Variants in CRY2 observed in about 807,000 individuals in gnomAD.
CRY2 encodes the protein cryptochrome circadian regulator 2, also known as cryptochrome-2.
In CRY2, 31 loss-of-function variants were observed where a neutral mutation model predicts 69.5. The observed-to-expected ratio is 0.45, with a 90% CI of 0.34 to 0.60. The LOEUF is 0.60. CRY2 is among the 20% of genes least tolerant of loss of function. The pLI is 0.02. For missense variants in CRY2, 606 were observed against 797.8 expected (o/e 0.76, Z 2.90); for synonymous variants, 303 against 312.2 (o/e 0.97, Z 0.31).
Position 45,847,894 on chromosome 11 carries a change from G to A in CRY2, c.215+189G>A, listed in dbSNP as rs78996810. Among the ~76,000 whole-genome samples the A allele has an allele frequency of 9.9e-3, 1,511 of 152,298 alleles. 35 individuals are homozygous for A. Among genetic ancestry groups the A allele is most frequent in the African/African-American group, 0.033 (1,387 of 41,562 alleles). On this transcript the variant is annotated intron_variant, in intron 1 of 11. Coordinates refer to ENST00000616080, the MANE Select transcript of CRY2 (RefSeq NM_021117.5). ...CAGGGTTCAGCCTCTGACAAAGCGCGTTCGCACTGTTACCCCTTTGAGCCT... is the reference window on the plus strand; with the variant it reads ...CAGGGTTCAGCCTCTGACAAAGCGCATTCGCACTGTTACCCCTTTGAGCCT...
intron 6 of CRY2, 48 bp downstream of exon 6, chr11:45,867,800 G>A (rs1194015084): frequency 1.9e-6 from 3 of 1,610,470 alleles, no homozygotes; most frequent in Non-Finnish European, 2.5e-6. Flanking sequence ...CTGCAGCCAG[G>A]CCTTTTGGGC....
intron 11 of CRY2, among the ~76,000 whole-genome samples, chr11:45,878,431 C>T (rs1375908432): frequency 2.0e-5 from 3 of 152,172 alleles, no homozygotes; most frequent in Non-Finnish European, 4.4e-5. Context: ...TTTTCTATTT[C>T]AGAAGAATAG....
In CRY2 at chr11:45,882,619, G is replaced by A. The variant is rs75469154; in HGVS notation, c.*1708G>A. On this transcript the variant is annotated 3_prime_UTR_variant, in exon 12 of 12. Transcript: ENST00000616080. ...CCTTCACTAGAAATGTCCCATCATC[G>A]TGGGAGGGGAGCAGGGCACAGGGGA... The A allele has an allele frequency of 1.4e-4, 56 of 399,128 alleles. No individual in the cohort carries two copies. Among genetic ancestry groups the A allele is most frequent in the African/African-American group, 9.6e-4 (47 of 48,756 alleles). 24.7% of individuals were successfully genotyped at this position (399,128 alleles called of 1,614,324 possible).
At chr11:45,869,375 G>C in intron 6 of CRY2, 131 bp from the exon 7 acceptor site, 3 of 924,736 alleles carry the variant, frequency 3.2e-6, no homozygotes, top group Non-Finnish European at 4.9e-6. Flanking sequence ...CTAGGGGATA[G>C]TCCCTCCACA....
intron 3 of CRY2, among the ~76,000 whole-genome samples, chr11:45,860,075 C>G (rs1215467300): frequency 3.9e-5 from 6 of 152,146 alleles, no homozygotes. Flanking sequence ...CAAGAAGAGC[C>G]CCGGGAATGT....
intron 2 of CRY2, 111 bp from the exon 3 acceptor site, chr11:45,858,620 A>T: frequency 8.4e-7 from 1 of 1,190,056 alleles, no homozygotes; most frequent in African/African-American, 1.5e-5. Flanking sequence ...TCTGCTGCCC[A>T]TCAGATAGGT....
chr11:45,857,611 T>C (rs2086251912), intron 2 of CRY2, among the ~76,000 whole-genome samples: 1 of 152,160 alleles, frequency 6.6e-6, no homozygotes, highest in South Asian at 2.1e-4. Context: ...TTCACACTAA[T>C]AGGGGAAACA....
chr11:45,855,461 A>C (rs189739558), intron 1 of CRY2, among the ~76,000 whole-genome samples: 1 of 152,182 alleles, frequency 6.6e-6, no homozygotes. Flanking sequence ...TTCATACCAC[A>C]GTATTGCACT....
intron 2 of CRY2, chr11:45,858,488 C>T: frequency 2.1e-6 from 1 of 483,200 alleles, no homozygotes; most frequent in Non-Finnish European, 3.7e-6. Context: ...CACAAGGCTG[C>T]CTACCTCTCT....
At chr11:45,863,576 T>C (rs2134638614) in intron 5 of CRY2, among the ~76,000 whole-genome samples, 1 of 151,272 alleles carries the variant, frequency 6.6e-6, no homozygotes, top group South Asian at 2.1e-4. Context: ...CCTTCAGTTC[T>C]CCAAATCTGA....
At chr11:45,874,874 C>T (rs2086413746) in intron 11 of CRY2, among the ~76,000 whole-genome samples, 1 of 152,074 alleles carries the variant, frequency 6.6e-6, no homozygotes, top group South Asian at 2.1e-4. Flanking sequence ...ACCCGGGAGG[C>T]AGAGGTTGCA....
At chr11:45,870,730 GA>G (rs1287781144) in intron 9 of CRY2, 111 bp from the exon 10 acceptor site, 8 of 1,103,618 alleles carry the variant, frequency 7.2e-6, no homozygotes, top group Non-Finnish European at 1.1e-5. Context: ...GGAGGAAATG[GA>G]ACCTCAGTGT....
intron 6 of CRY2, 34 bp from the exon 7 acceptor site, chr11:45,869,471 AG>A: frequency 1.3e-6 from 2 of 1,569,982 alleles, no homozygotes; most frequent in South Asian, 2.3e-5. Flanking sequence ...GAGCTGGGCG[AG>A]TGTTTGTATC....
At chr11:45,860,777 T>C in intron 3 of CRY2, 71 bp from the exon 4 acceptor site, 1 of 1,534,492 alleles carries the variant, frequency 6.5e-7, no homozygotes, top group South Asian at 1.2e-5. Flanking sequence ...GTCTGGGTTC[T>C]TTTTTGGGTG....
At chr11:45,867,862 C>T (rs2086344027) in intron 6 of CRY2, 110 bp downstream of exon 6, 2 of 1,397,706 alleles carry the variant, frequency 1.4e-6, no homozygotes, top group East Asian at 4.6e-5. Flanking sequence ...GGCTATGGCC[C>T]CTGGAAGGGC....
chr11:45,866,951 G>A (rs1442679857), intron 5 of CRY2, among the ~76,000 whole-genome samples: 1 of 151,778 alleles, frequency 6.6e-6, no homozygotes, highest in African/African-American at 2.4e-5. Flanking sequence ...GCAAAACTCT[G>A]TCTCAAAAAA....
At chr11:45,874,597 C>T (rs567972284) in intron 11 of CRY2, among the ~76,000 whole-genome samples, 1 of 152,272 alleles carries the variant, frequency 6.6e-6, no homozygotes, top group South Asian at 2.1e-4. Context: ...TCACTTCCCC[C>T]TTGGGTGCAT....
At chr11:45,847,416 A>T, upstream of CRY2, 1 of 1,592,988 alleles carries the variant, frequency 6.3e-7, no homozygotes, top group Non-Finnish European at 8.5e-7. Flanking sequence ...GTCATAGGTC[A>T]CTGGGCGGGC....
chr11:45,858,942 G>A (rs771857125), intron 3 of CRY2, 69 bp downstream of exon 3: 35 of 1,561,676 alleles, frequency 2.2e-5, no homozygotes, highest in Non-Finnish European at 2.5e-5. Flanking sequence ...CTGCTGAGCG[G>A]AACTCAGAGA....
Sources: gnomAD v4.1 joint callset for allele counts (sites outside exome capture counted in the v4.1 genomes callset) on GRCh38, gnomAD v4.1.1 for gene constraint, MANE v1.5 for transcripts, NCBI Gene and HGNC (gene_info 2026-07-23, HGNC 2026-07-21) for gene names.